The following RBFOX1 variants were observed in gnomAD, a reference collection of about 807,000 sequenced individuals.
RBFOX1 encodes RNA binding fox-1 homolog 1, also known as RNA binding protein fox-1 homolog 1.
RBFOX1 carries 8 observed loss-of-function variants against 57.7 expected under a neutral mutation model. The observed-to-expected ratio is 0.14, with a 90% CI of 0.08 to 0.25. The LOEUF (loss-of-function observed/expected upper bound fraction) is 0.25, where lower values mean the gene tolerates loss of function less well. RBFOX1 is among the 10% of genes least tolerant of loss of function. The pLI is 1.00. For synonymous variants in RBFOX1, 326 were observed against 222.4 expected (o/e 1.47, Z -4.15); for missense variants, 611 against 548.5 (o/e 1.11, Z -1.14).
Position 6,237,389 on chromosome 16 carries a change from G to A in RBFOX1, c.-126-79606G>A, listed in dbSNP as rs190133828. On this transcript the variant is annotated intron_variant, in intron 1 of 15. Coordinates refer to ENST00000550418, the MANE Select transcript of RBFOX1 (RefSeq NM_018723.4). The stretch of plus-strand genomic sequence containing the variant: ...AGGTCTGACCCTATAAAGGTGAAGG[G>A]CTATTATAGTGGGGTTCAGAGAGGT... 2.0e-3 allele frequency among the ~76,000 whole-genome samples: 310 copies of A among 152,284 alleles called. 1 individual carries two copies. The highest frequency in any genetic ancestry group is 7.0e-3 in the African/African-American group (291 of 41,558).
At chr16:5,691,152 T>G (rs1237839577) in intron 3 of RBFOX1, among the ~76,000 whole-genome samples, 1 of 152,246 alleles carries the variant, frequency 6.6e-6, no homozygotes, top group Non-Finnish European at 1.5e-5. Context: ...TTTTCCCTTA[T>G]GTTTTCTGAG....
intron 4 of RBFOX1, among the ~76,000 whole-genome samples, chr16:7,482,767 T>C (rs1291163306): frequency 1.3e-5 from 2 of 151,966 alleles, no homozygotes; most frequent in Non-Finnish European, 2.9e-5. Flanking sequence ...GATGTGCTGG[T>C]AAGCCCCTGC....
chr16:5,317,913 C>G (rs1455768456), intron 1 of RBFOX1, among the ~76,000 whole-genome samples: 1 of 152,046 alleles, frequency 6.6e-6, no homozygotes, highest in African/African-American at 2.4e-5. Flanking sequence ...ACTCTATATC[C>G]TAAGCAATAA....
chr16:6,964,035 T>A (rs1394359662), intron 3 of RBFOX1, among the ~76,000 whole-genome samples: 1 of 151,668 alleles, frequency 6.6e-6, no homozygotes, highest in African/African-American at 2.4e-5. Flanking sequence ...TTTTCTTTTT[T>A]CAACATGAAG....
chr16:5,839,023 G>C (rs531399086), intron 3 of RBFOX1, among the ~76,000 whole-genome samples: 7 of 152,236 alleles, frequency 4.6e-5, no homozygotes, highest in Admixed American at 1.3e-4. Flanking sequence ...AGTGCTCCTG[G>C]CATATAGAGT....
At chr16:6,510,605 G>A (rs116592338) in intron 2 of RBFOX1, among the ~76,000 whole-genome samples, 1 of 152,140 alleles carries the variant, frequency 6.6e-6, no homozygotes, top group East Asian at 1.9e-4. Flanking sequence ...GAAAGCCTGC[G>A]TATGCCTCCA....
At chr16:7,573,727 C>T (rs912781009) in intron 5 of RBFOX1, among the ~76,000 whole-genome samples, 9 of 151,782 alleles carry the variant, frequency 5.9e-5, no homozygotes, top group African/African-American at 1.5e-4. Flanking sequence ...CCCAGCTACT[C>T]GGGAGGTTGA....
intron 2 of RBFOX1, among the ~76,000 whole-genome samples, chr16:5,572,296 A>T (rs1450057314): frequency 1.3e-5 from 2 of 152,186 alleles, no homozygotes. Flanking sequence ...AACAGTATTT[A>T]TTGAGTGCAT....
chr16:5,799,808 C>G (rs2055001562), intron 3 of RBFOX1, among the ~76,000 whole-genome samples: 1 of 152,040 alleles, frequency 6.6e-6, no homozygotes, highest in Admixed American at 6.5e-5. Flanking sequence ...GCTCTTTGTA[C>G]AAAGTTGGGT....
chr16:6,519,321 C>T (rs747140816), intron 2 of RBFOX1, among the ~76,000 whole-genome samples: 8 of 152,112 alleles, frequency 5.3e-5, no homozygotes, highest in Non-Finnish European at 8.8e-5. Flanking sequence ...ATTGTCATTG[C>T]AGTTAATACT....
At chr16:7,517,059 C>T (rs1023403698) in intron 4 of RBFOX1, among the ~76,000 whole-genome samples, 5 of 151,788 alleles carry the variant, frequency 3.3e-5, no homozygotes, top group Admixed American at 1.3e-4. Context: ...TTTTTTTCCT[C>T]GCTCTGTCTT....
At chr16:6,405,238 G>C (rs907084650) in intron 2 of RBFOX1, among the ~76,000 whole-genome samples, 1 of 152,210 alleles carries the variant, frequency 6.6e-6, no homozygotes, top group Non-Finnish European at 1.5e-5. Context: ...TTTTATCACA[G>C]TTAGAGGGTG....
In RBFOX1 at chr16:5,331,035, G is replaced by T. The variant is rs140116778; in HGVS notation, c.219+90930G>T. On this transcript the variant is annotated intron_variant, in intron 1 of 2. Transcript: ENST00000585867. ...CTTCTCTATATGAAAGGCCTACTTG[G>T]TATCAGGCACCAAACTCTGAGGATC... Among the ~76,000 whole-genome samples, 1,163 of 152,182 alleles carry T rather than the reference G, an allele frequency of 7.6e-3. 14 individuals are homozygous for T. The highest frequency in any genetic ancestry group is 0.013 in the South Asian group (61 of 4,806).
intron 4 of RBFOX1, among the ~76,000 whole-genome samples, chr16:5,920,155 C>G (rs753854091): frequency 6.6e-6 from 1 of 152,060 alleles, no homozygotes; most frequent in East Asian, 1.9e-4. Flanking sequence ...AGGATGGTCT[C>G]GATCTCCTGA....
chr16:6,558,894 CTCTG>C (rs1364994371), intron 2 of RBFOX1, among the ~76,000 whole-genome samples: 1 of 151,994 alleles, frequency 6.6e-6, no homozygotes, highest in Non-Finnish European at 1.5e-5. Flanking sequence ...ATTCTGCTCC[CTCTG>C]TCTGGAATGT....
intron 2 of RBFOX1, among the ~76,000 whole-genome samples, chr16:5,589,942 A>G (rs1025426942): frequency 2.0e-5 from 3 of 152,144 alleles, no homozygotes; most frequent in African/African-American, 7.2e-5. Context: ...CCATGGTACC[A>G]GGGTCTCCCC....
At chr16:6,180,986 C>G (rs903228623) in intron 1 of RBFOX1, among the ~76,000 whole-genome samples, 3 of 152,204 alleles carry the variant, frequency 2.0e-5, no homozygotes, top group African/African-American at 7.2e-5. Context: ...CTCCTGTCCT[C>G]TACTGATGGG....
At chr16:6,142,443 G>A (rs184360722) in intron 1 of RBFOX1, among the ~76,000 whole-genome samples, 12 of 151,936 alleles carry the variant, frequency 7.9e-5, no homozygotes, top group Middle Eastern at 3.4e-3. Flanking sequence ...GGATGGTCTC[G>A]ATCTCCTGAC....
intron 3 of RBFOX1, among the ~76,000 whole-genome samples, chr16:6,940,150 C>T (rs1476667369): frequency 6.6e-6 from 1 of 152,076 alleles, no homozygotes; most frequent in African/African-American, 2.4e-5. Context: ...CAAGATCACG[C>T]TGCTCCACTC....
Sources: gnomAD v4.1 joint callset for allele counts (sites outside exome capture counted in the v4.1 genomes callset) on GRCh38, gnomAD v4.1.1 for gene constraint, MANE v1.5 for transcripts, NCBI Gene and HGNC (gene_info 2026-07-23, HGNC 2026-07-21) for gene names.